NTAQ1: variants seen among roughly 807,000 people sequenced by gnomAD.
NTAQ1 encodes the protein protein N-terminal glutamine amidohydrolase.
Under a neutral mutation model 28.2 loss-of-function variants are expected in NTAQ1, and 21 were observed. The observed-to-expected ratio is 0.74, with a 90% CI of 0.53 to 1.07. The LOEUF (loss-of-function observed/expected upper bound fraction) is 1.07. Among genes scored for constraint, NTAQ1 ranks in the 50% least tolerant of loss-of-function variants. The pLI, the probability that NTAQ1 is intolerant of heterozygous loss-of-function variation, is 0.00. For missense variants in NTAQ1, 264 were observed against 256.6 expected, an observed-to-expected ratio of 1.03 and a Z score of -0.20; for synonymous variants, 105 against 90.0, an observed-to-expected ratio of 1.17 and a Z score of -0.94.
Position 123,436,513 on chromosome 8 carries a change from G to A in NTAQ1, c.295G>A (p.Asp99Asn), listed in dbSNP as rs145581840. The A allele has an allele frequency of 4.9e-5, 79 of 1,613,794 alleles. No individual in the cohort carries two copies. The highest frequency in any genetic ancestry group is 6.6e-5 in the Non-Finnish European group (78 of 1,179,922). Residue 99 changes from aspartate to asparagine, a missense_variant, in exon 4 of 6, where the codon GAT (aspartate) becomes AAT (asparagine). Asp to Asn is a conservative substitution (Grantham distance 23). Coordinates refer to ENST00000287387, the MANE Select transcript of NTAQ1 (RefSeq NM_018024.3). ...AGGACAGAACTTCATTTATGATCTCGATACTGTCTTGCCATTTCCCTGCCT... is the reference window on the plus strand; with the variant it reads ...AGGACAGAACTTCATTTATGATCTCAATACTGTCTTGCCATTTCCCTGCCT... ...SGGQNFIYDL[D>N]TVLPFPCLFD...
downstream of NTAQ1, among the ~76,000 whole-genome samples, chr8:123,446,988 G>A (rs1335766954): frequency 1.3e-5 from 2 of 151,906 alleles, no homozygotes; most frequent in African/African-American, 2.4e-5. Flanking sequence ...TGGGGGTCAG[G>A]GTTCTGTTAT....
chr8:123,455,724 C>T (rs964632548), intron 6 of NTAQ1, among the ~76,000 whole-genome samples: 4 of 152,112 alleles, frequency 2.6e-5, no homozygotes, highest in Non-Finnish European at 4.4e-5. Flanking sequence ...CGCGCCCAGC[C>T]GAAATCAGCA....
rs894024397 is a variant in NTAQ1 at position 123,441,229 on chromosome 8, G to A, written c.509-77G>A. 4.5e-6 allele frequency: 5 copies of A among 1,107,488 alleles called. No individual in the cohort carries two copies. In the African/African-American group the frequency reaches 7.9e-5, roughly 18 times the overall value. The allele number at this position is 1,107,488 out of a possible 1,614,324, so 68.6% of individuals were successfully genotyped here. ...ATTTGAATAATTTTACCTACTTTTG[G>A]TCTTCTGCATTGTTTTATTGCTGTT... On this transcript the variant is annotated intron_variant, in intron 5 of 5. Coordinates refer to ENST00000287387, the MANE Select transcript of NTAQ1 (RefSeq NM_018024.3).
chr8:123,460,822 G>A (rs1815801663), intron 6 of NTAQ1, among the ~76,000 whole-genome samples: 1 of 152,146 alleles, frequency 6.6e-6, no homozygotes, highest in Non-Finnish European at 1.5e-5. Context: ...ACGACGTAGT[G>A]GAGTTTGTAT....
chr8:123,438,235 G>A (rs1223434656), intron 5 of NTAQ1: 3 of 699,328 alleles, frequency 4.3e-6, no homozygotes, highest in East Asian at 5.4e-5. Flanking sequence ...TATTATTTAC[G>A]TTTGTAAGTA....
intron 1 of NTAQ1, among the ~76,000 whole-genome samples, chr8:123,422,433 G>C (rs1284310446): frequency 2.0e-5 from 3 of 151,714 alleles, no homozygotes. Flanking sequence ...GTGCCAGCAT[G>C]CCTGGTTAAT....
chr8:123,462,659 C>T (rs552001330), intron 6 of NTAQ1, among the ~76,000 whole-genome samples: 9 of 152,288 alleles, frequency 5.9e-5, no homozygotes, highest in African/African-American at 1.2e-4. Flanking sequence ...TCACAGATTA[C>T]GAAGCGGACA....
downstream of NTAQ1, among the ~76,000 whole-genome samples, chr8:123,443,825 G>C (rs184739606): frequency 1.3e-5 from 2 of 152,014 alleles, no homozygotes; most frequent in African/African-American, 4.8e-5. Flanking sequence ...TGCCCACCTC[G>C]GCCTCTGAAA....
rs112955263 is a variant in NTAQ1 at position 123,430,360 on chromosome 8, G to A, written c.234+327G>A. On this transcript the variant is annotated intron_variant, in intron 3 of 5. Coordinates refer to ENST00000287387, the MANE Select transcript of NTAQ1 (RefSeq NM_018024.3). Reference sequence around the variant, plus strand: ...GGAGACTGTTAAAAATGTAGTTTTCGGCTGGGCGCGGTGGCTCACACCTGT... The same window carrying A: ...GGAGACTGTTAAAAATGTAGTTTTCAGCTGGGCGCGGTGGCTCACACCTGT... Among the ~76,000 whole-genome samples the A allele has an allele frequency of 5.4e-3, 815 of 152,244 alleles. 8 individuals are homozygous for A. Among genetic ancestry groups the A allele is most frequent in the African/African-American group, 0.019 (773 of 41,556 alleles).
intron 1 of NTAQ1, among the ~76,000 whole-genome samples, chr8:123,424,853 T>G (rs1289876557): frequency 1.3e-5 from 2 of 152,196 alleles, no homozygotes; most frequent in Admixed American, 6.6e-5. Flanking sequence ...TTGCCAGTTA[T>G]GGATTTGTAT....
chr8:123,449,743 A>T (rs2130371916), downstream of NTAQ1, among the ~76,000 whole-genome samples: 1 of 150,806 alleles, frequency 6.6e-6, no homozygotes, highest in South Asian at 2.1e-4. Flanking sequence ...GATGTCTAAC[A>T]GGAGCTGTCA....
In NTAQ1 at chr8:123,427,923, G is replaced by C; in HGVS notation, c.84-1G>C. On this transcript the variant is annotated splice_acceptor_variant, in intron 1 of 5. Coordinates refer to ENST00000287387, the MANE Select transcript of NTAQ1 (RefSeq NM_018024.3). LOFTEE classifies it high-confidence loss of function. ...TTGATTAAACAATTATTTTATTTCA[G>C]TGAAGAAAATATTTGGAAGCTCTGT... The C allele has an allele frequency of 6.3e-7, 1 of 1,584,678 alleles. No homozygotes were observed. Among genetic ancestry groups the C allele is most frequent in the Non-Finnish European group, 8.6e-7 (1 of 1,163,354 alleles).
downstream of NTAQ1, among the ~76,000 whole-genome samples, chr8:123,451,630 C>T (rs1305136597): frequency 6.6e-6 from 1 of 152,154 alleles, no homozygotes; most frequent in Non-Finnish European, 1.5e-5. Context: ...CGAGCCACCA[C>T]ACCTGGTCTA....
intron 3 of NTAQ1, among the ~76,000 whole-genome samples, chr8:123,436,040 G>A (rs1003175714): frequency 1.3e-5 from 2 of 151,028 alleles, no homozygotes; most frequent in African/African-American, 2.4e-5. Flanking sequence ...ATCGTGGTGC[G>A]CGCTTGTAAT....
At position 123,427,891 on chromosome 8, in the gene NTAQ1, T is replaced by C. The variant is rs372976446; in HGVS notation, c.84-33T>C. The stretch of plus-strand genomic sequence containing the variant: ...AATTTAAAAGACACATAGAATGTTC[T>C]CTAATCTTGATTAAACAATTATTTT... On this transcript the variant is annotated intron_variant, in intron 1 of 5. Transcript: ENST00000287387. 21 of 1,524,094 alleles carry C rather than the reference T, an allele frequency of 1.4e-5. No individual in the cohort carries two copies. In the Admixed American group the frequency reaches 3.3e-4, roughly 24 times the overall value. 94.4% of individuals were successfully genotyped at this position (1,524,094 alleles called of 1,614,324 possible).
downstream of NTAQ1, among the ~76,000 whole-genome samples, chr8:123,445,718 G>T (rs540362761): frequency 3.9e-4 from 59 of 152,170 alleles, no homozygotes; most frequent in African/African-American, 1.4e-3. Flanking sequence ...TGATTCTCCT[G>T]CCTCAGCCTC....
At chr8:123,453,449 A>G (rs1445825056) in intron 6 of NTAQ1, among the ~76,000 whole-genome samples, 4 of 150,022 alleles carry the variant, frequency 2.7e-5, no homozygotes, top group African/African-American at 9.8e-5. Context: ...CTTTTTTGGA[A>G]CAGAGTTTTG....
chr8:123,442,307 A>G (rs1815106066), downstream of NTAQ1: 1 of 152,102 alleles, frequency 6.6e-6, no homozygotes, highest in South Asian at 2.1e-4. Flanking sequence ...TCTACTTATT[A>G]AGAAACTATC....
intron 1 of NTAQ1, among the ~76,000 whole-genome samples, chr8:123,423,313 T>TCC (rs111796159): frequency 9.4e-5 from 14 of 148,452 alleles, no homozygotes; most frequent in African/African-American, 3.2e-4. Context: ...TTCTCTTCTC[T>TCC]TCTTTTTTCT....
Sources: allele counts gnomAD v4.1 joint callset (sites outside exome capture counted in the v4.1 genomes callset), GRCh38; gene constraint gnomAD v4.1.1; transcripts MANE v1.5; gene names NCBI Gene and HGNC (gene_info 2026-07-23, HGNC 2026-07-21).